The following CCDC97 variants were observed in gnomAD, a reference collection of about 807,000 sequenced individuals.
CCDC97 encodes the protein coiled-coil domain containing 97, also known as coiled-coil domain-containing protein 97.
CCDC97 carries 27 observed loss-of-function variants against 33.9 expected under a neutral mutation model. The ratio of observed to expected loss-of-function variants is 0.80; its 90% CI spans 0.59 to 1.10. The LOEUF is 1.10. CCDC97 is among the 50% of genes least tolerant of loss of function. The pLI is 0.00. For synonymous variants in CCDC97, 217 were observed against 194.0 expected (o/e 1.12, Z -0.99); for missense variants, 422 against 476.6 (o/e 0.89, Z 1.07).
At chr19:41,312,392 GT>G (rs1025942912) in intron 1 of CCDC97, among the ~76,000 whole-genome samples, 4 of 151,700 alleles carry the variant, frequency 2.6e-5, no homozygotes, top group Non-Finnish European at 5.9e-5. Context: ...GCCCATTCAG[GT>G]TTTTTTTCTT....
In CCDC97 at chr19:41,316,933, CAG is replaced by C; in HGVS notation, c.502+98_502+99del. 1.0e-5 allele frequency: 10 copies of C among 995,208 alleles called. No individual in the cohort carries two copies. In the South Asian group the frequency reaches 1.7e-4, roughly 17 times the overall value. 61.6% of individuals were successfully genotyped at this position (995,208 alleles called of 1,614,324 possible). On this transcript the variant is annotated intron_variant, in intron 2 of 4. Transcript: ENST00000269967. ...AGAGAAAAGAATACAAGAGCAGAGA[CAG>C]AGATCCTGGGAGAGAAGTTCTGAGA...
At chr19:41,320,803 A>G (rs764370732) in intron 4 of CCDC97, 9 of 259,148 alleles carry the variant, frequency 3.5e-5, no homozygotes, top group South Asian at 1.3e-4. Context: ...AGGAAGCCCA[A>G]CCTCTTCCGC....
chr19:41,319,803 GGAGGCCTGCTTGGAGGAAGAGGAA>G lies in CCDC97; in HGVS notation c.737_760del (p.Ala246_Glu253del), dbSNP rs894130325. 4.4e-6 allele frequency: 7 copies of G among 1,605,216 alleles called. No individual in the cohort carries two copies. Among genetic ancestry groups the G allele is most frequent in the Admixed American group, 3.3e-5 (2 of 59,880 alleles). ...GTCTGCTCCAACAGCAGGAGGAGGA[GGAGGCCTGCTTGGAGGAAGAGGAA>G]GAGGAGGAGGACAGTGACGAGGAAG... is the stretch of plus-strand genomic sequence containing the variant. On this transcript the variant is annotated inframe_deletion, in exon 3 of 5. Coordinates refer to ENST00000269967, the MANE Select transcript of CCDC97 (RefSeq NM_052848.3).
rs755940174 is a variant in CCDC97 at position 41,310,277 on chromosome 19, C to T, written c.-34C>T. On this transcript the variant is annotated 5_prime_UTR_variant, in exon 1 of 5. Coordinates refer to ENST00000269967, the MANE Select transcript of CCDC97 (RefSeq NM_052848.3). ...TGGGCCGGAGGTTAGTGTGCGGGGC[C>T]CGCCGGGCGGTTGAAAAGTCCGAGA... 1.3e-6 allele frequency: 2 copies of T among 1,580,508 alleles called. No homozygotes were observed. The highest frequency in any genetic ancestry group is 1.2e-5 in the South Asian group (1 of 86,528).
intron 1 of CCDC97, among the ~76,000 whole-genome samples, chr19:41,312,187 G>A (rs1443125233): frequency 1.3e-5 from 2 of 152,154 alleles, no homozygotes; most frequent in Non-Finnish European, 2.9e-5. Context: ...AGGTTCAAGT[G>A]ATTCCCGTGC....
At position 41,319,552 on chromosome 19, in the gene CCDC97, ACCCTG is replaced by A; in HGVS notation, c.503-21_503-17del. 1.3e-6 allele frequency: 2 copies of A among 1,555,872 alleles called. No individual in the cohort carries two copies. Among genetic ancestry groups the A allele is most frequent in the Non-Finnish European group, 1.8e-6 (2 of 1,141,550 alleles). On this transcript the variant is annotated splice_polypyrimidine_tract_variant and intron_variant, in intron 2 of 4. Coordinates refer to ENST00000269967, the MANE Select transcript of CCDC97 (RefSeq NM_052848.3). Reference sequence around the variant, plus strand: ...CTGCTCAGTCGCTCACCCCATGCCCACCCTGTCTCTCCTCTGTGCAGGGGGCGAGT... The same window carrying A: ...CTGCTCAGTCGCTCACCCCATGCCCATCTCTCCTCTGTGCAGGGGGCGAGT...
At chr19:41,319,546 A>G (rs772639232) in intron 2 of CCDC97, 28 bp from the exon 3 acceptor site, 9 of 1,532,584 alleles carry the variant, frequency 5.9e-6, no homozygotes, top group African/African-American at 1.4e-5. Context: ...CGCTCACCCC[A>G]TGCCCACCCT....
In CCDC97 at chr19:41,320,490, TCCCCATC is replaced by T. The variant is rs762312012; in HGVS notation, c.911+26_911+32del. 1 of 1,613,218 alleles carries T rather than the reference TCCCCATC, an allele frequency of 6.2e-7. No homozygotes were observed. The highest frequency in any genetic ancestry group is 1.3e-5 in the African/African-American group (1 of 74,920). On this transcript the variant is annotated intron_variant, in intron 4 of 4. Transcript: ENST00000269967. ...CTACAGGTGCTCCTGTGCCTCCACCTCCCCATCCCCCAGCCCAGCATCCCACGGCCTT... is the reference window on the plus strand; with the variant it reads ...CTACAGGTGCTCCTGTGCCTCCACCTCCCCAGCCCAGCATCCCACGGCCTT...
At position 41,310,398 on chromosome 19, in the gene CCDC97, G is replaced by A; in HGVS notation, c.46+42G>A. 4 of 1,580,318 alleles carry A rather than the reference G, an allele frequency of 2.5e-6. 1 individual carries two copies. The South Asian group carries it at 3.5e-5, about 14-fold the overall frequency. On this transcript the variant is annotated intron_variant, in intron 1 of 4. Coordinates refer to ENST00000269967, the MANE Select transcript of CCDC97 (RefSeq NM_052848.3). The stretch of plus-strand genomic sequence containing the variant: ...GCGCAGGCGGCGGGTGGGTGCGGTT[G>A]CGGTGTCTCTAGGAAATGATTCCCC...
intron 2 of CCDC97, 51 bp from the exon 3 acceptor site, chr19:41,319,523 C>G (rs1568469866): frequency 7.5e-6 from 10 of 1,330,282 alleles, no homozygotes; most frequent in Non-Finnish European, 9.5e-6. Flanking sequence ...CACATGGACA[C>G]TATCTGCTCA....
Position 41,319,741 on chromosome 19 carries a change from C to A in CCDC97, c.670C>A (p.Leu224Met). 1 of 1,613,906 alleles carries A rather than the reference C, an allele frequency of 6.2e-7. No individual in the cohort carries two copies. The highest frequency in any genetic ancestry group is 8.5e-7 in the Non-Finnish European group (1 of 1,179,866). ...GRPACPLSNLLLQSYEERELQ... is the reference protein window; with the variant it reads ...GRPACPLSNLMLQSYEERELQ... ...ACCTGCTTGCCCGCTCTCCAACTTG[C>A]TGCTCCAGTCCTACGAGGAGCGGGA... The change falls in exon 3 of 5, where the codon CTG (leucine) becomes ATG (methionine). Residue 224 changes from leucine to methionine, a missense_variant. Transcript: ENST00000269967.
In CCDC97 at chr19:41,318,092, G is replaced by A. The variant is rs555671356; in HGVS notation, c.502+1253G>A. ...GAAAGATGGAGATAAAGGAAGAGAT[G>A]GAGAGAGATCCAGAGCCGGGGTGGG... On this transcript the variant is annotated intron_variant, in intron 2 of 4. Coordinates refer to ENST00000269967, the MANE Select transcript of CCDC97 (RefSeq NM_052848.3). Among the ~76,000 whole-genome samples the A allele has an allele frequency of 8.2e-4, 124 of 152,028 alleles. 1 individual carries two copies. The highest frequency in any genetic ancestry group is 2.9e-3 in the African/African-American group (121 of 41,474).
At position 41,322,610 on chromosome 19, in the gene CCDC97, C is replaced by T. The variant is rs1277827099; in HGVS notation, c.927C>T (p.Asn309=). The T allele has an allele frequency of 1.2e-6, 2 of 1,613,550 alleles. No homozygotes were observed. The highest frequency in any genetic ancestry group is 3.3e-5 in the Admixed American group (2 of 59,992). ...CCTCCTGCAGCACAGTAGACGACAA[C>T]CCCGACTTCGACAACCTCGACATCG... ...GDFDYSTVDD[N]PDFDNLDIVA... Residue 309 remains asparagine (N), a synonymous_variant, in exon 5 of 5, where the codon AAC becomes AAT. Coordinates refer to ENST00000269967, the MANE Select transcript of CCDC97 (RefSeq NM_052848.3).
chr19:41,320,063 A>G (rs541606066), intron 3 of CCDC97, among the ~76,000 whole-genome samples: 1 of 152,154 alleles, frequency 6.6e-6, no homozygotes, highest in Non-Finnish European at 1.5e-5. Flanking sequence ...CCTCGCCTCC[A>G]GGTCTGGACA....
intron 2 of CCDC97, among the ~76,000 whole-genome samples, 168 bp from the exon 3 acceptor site, chr19:41,319,404 TCA>T (rs1403223892): frequency 6.6e-6 from 1 of 152,180 alleles, no homozygotes; most frequent in East Asian, 1.9e-4. Context: ...GCATGAGTAC[TCA>T]CGCGCACCTC....
intron 2 of CCDC97, 81 bp from the exon 3 acceptor site, chr19:41,319,493 A>AGCATGATCACACACATACCC (rs2037790550): frequency 3.0e-6 from 3 of 1,016,530 alleles, no homozygotes; most frequent in African/African-American, 1.6e-5. Flanking sequence ...TCATCCCACA[A>AGCATGATCACACACATACCC]GCATGATCAC....
At chr19:41,321,970 CGTCAAAAT>C (rs1176429927) in intron 4 of CCDC97, among the ~76,000 whole-genome samples, 1 of 152,176 alleles carries the variant, frequency 6.6e-6, no homozygotes, top group Non-Finnish European at 1.5e-5. Flanking sequence ...CCAGTGATGA[CGTCAAAAT>C]GTCAAAATGC....
Position 41,322,925 on chromosome 19 carries a change from C to A in CCDC97, c.*210C>A. 1 of 426,668 alleles carries A rather than the reference C, an allele frequency of 2.3e-6. No individual in the cohort carries two copies. Among genetic ancestry groups the A allele is most frequent in the Non-Finnish European group, 4.2e-6 (1 of 237,700 alleles). 26.4% of individuals were successfully genotyped at this position (426,668 alleles called of 1,614,324 possible). ...CCCTTTCTCATCTCTCCCACCCTGT[C>A]TCCTGCCTCTGTCTTTCTTGGTGTC... is the stretch of plus-strand genomic sequence containing the variant. On this transcript the variant is annotated 3_prime_UTR_variant, in exon 5 of 5. Transcript: ENST00000269967.
chr19:41,316,721 C>G lies in CCDC97; in HGVS notation c.384C>G (p.Gly128=). The part of the protein sequence containing the change: ...EHLACFGHVR[G]DHRADFYCAE... ...TGGCCTGCTTTGGCCACGTGCGTGG[C>G]GACCACCGTGCAGACTTCTACTGTG... Residue 128 remains glycine (G), a synonymous_variant, in exon 2 of 5, where the codon GGC becomes GGG. Transcript: ENST00000269967. 6.2e-7 allele frequency: 1 copy of G among 1,613,636 alleles called. No homozygotes were observed. The highest frequency in any genetic ancestry group is 8.5e-7 in the Non-Finnish European group (1 of 1,179,804).
Sources: gnomAD v4.1 joint callset for allele counts (sites outside exome capture counted in the v4.1 genomes callset) on GRCh38, gnomAD v4.1.1 for gene constraint, MANE v1.5 for transcripts, NCBI Gene and HGNC (gene_info 2026-07-23, HGNC 2026-07-21) for gene names.